The following DDX10 variants were observed in gnomAD, a reference collection of about 807,000 sequenced individuals.
DDX10 encodes the protein probable ATP-dependent RNA helicase DDX10.
DDX10 carries 74 observed loss-of-function variants against 104.3 expected under a neutral mutation model. The observed-to-expected ratio is 0.71, with a 90% CI of 0.59 to 0.86. The LOEUF is 0.86. Among genes scored for constraint, DDX10 ranks in the 40% least tolerant of loss-of-function variants. The pLI, the probability that DDX10 is intolerant of heterozygous loss-of-function variation, is 0.00. For missense variants in DDX10, 952 were observed against 1,040.0 expected (o/e 0.92, Z 1.16); for synonymous variants, 351 against 353.4 (o/e 0.99, Z 0.08).
intron 13 of DDX10, among the ~76,000 whole-genome samples, chr11:108,764,625 C>T (rs969610308): frequency 1.3e-5 from 2 of 152,040 alleles, no homozygotes; most frequent in Non-Finnish European, 1.5e-5. Context: ...GCTGAGATCG[C>T]GCCACTGCAC....
intron 17 of DDX10, among the ~76,000 whole-genome samples, chr11:108,939,898 C>A (rs1213971743): frequency 6.6e-6 from 1 of 152,188 alleles, no homozygotes; most frequent in Non-Finnish European, 1.5e-5. Flanking sequence ...ACCTGACTTT[C>A]AGTAGAGGTA....
chr11:108,871,611 C>A (rs995164111), intron 16 of DDX10, among the ~76,000 whole-genome samples: 1 of 152,194 alleles, frequency 6.6e-6, no homozygotes, highest in African/African-American at 2.4e-5. Flanking sequence ...CATCCTCCTC[C>A]TTACCAGTCC....
In DDX10 at chr11:108,857,237, C is replaced by T. The variant is rs76346227; in HGVS notation, c.2304+5028C>T. On this transcript the variant is annotated intron_variant, in intron 16 of 17. Coordinates refer to ENST00000322536, the MANE Select transcript of DDX10 (RefSeq NM_004398.4). The stretch of plus-strand genomic sequence containing the variant: ...ATCGCATCCATGATACATGATCTAA[C>T]GACTAGTCATGGAAAATTACTAATA... Among the ~76,000 whole-genome samples the T allele has an allele frequency of 9.7e-3, 1,481 of 152,098 alleles. 18 individuals carry two copies. Among genetic ancestry groups the T allele is most frequent in the African/African-American group, 0.033 (1,384 of 41,478 alleles).
At chr11:108,930,291 A>G (rs967817718) in intron 17 of DDX10, among the ~76,000 whole-genome samples, 5 of 152,216 alleles carry the variant, frequency 3.3e-5, no homozygotes, top group Non-Finnish European at 5.9e-5. Context: ...ACTTAGCAAT[A>G]TATTTTTAAG....
chr11:108,673,903 C>T (rs2094220430), intron 2 of DDX10, among the ~76,000 whole-genome samples: 1 of 152,170 alleles, frequency 6.6e-6, no homozygotes, highest in Non-Finnish European at 1.5e-5. Context: ...AGTTGGAAGT[C>T]TGGGATCAAG....
At chr11:108,731,089 T>C (rs2134484789) in intron 13 of DDX10, among the ~76,000 whole-genome samples, 1 of 151,438 alleles carries the variant, frequency 6.6e-6, no homozygotes, top group South Asian at 2.1e-4. Context: ...TCTCGCTGTG[T>C]CACCCAGGCT....
At chr11:108,868,527 A>G (rs1230625345) in intron 16 of DDX10, among the ~76,000 whole-genome samples, 1 of 152,114 alleles carries the variant, frequency 6.6e-6, no homozygotes, top group African/African-American at 2.4e-5. Context: ...ATTTCATTCT[A>G]TTTTCTTTTT....
At chr11:108,725,543 A>G (rs2094304380) in intron 13 of DDX10, among the ~76,000 whole-genome samples, 1 of 151,942 alleles carries the variant, frequency 6.6e-6, no homozygotes, top group South Asian at 2.1e-4. Context: ...TGCAGTTTTA[A>G]TTTGCATTTC....
At chr11:108,857,214 C>T (rs898692489) in intron 16 of DDX10, among the ~76,000 whole-genome samples, 5 of 151,988 alleles carry the variant, frequency 3.3e-5, no homozygotes, top group Admixed American at 2.0e-4. Flanking sequence ...AAAAACAAAT[C>T]GCATCCATGA....
At chr11:108,911,554 T>C (rs913748413) in intron 16 of DDX10, among the ~76,000 whole-genome samples, 4 of 75,956 alleles carry the variant, frequency 5.3e-5, no homozygotes. Context: ...TTGCCTCCTC[T>C]TCTTTTTTTT....
intron 13 of DDX10, among the ~76,000 whole-genome samples, chr11:108,831,640 T>C: frequency 6.6e-6 from 1 of 152,264 alleles, no homozygotes; most frequent in South Asian, 2.1e-4. Context: ...TTGGACTGTC[T>C]TTAATTCTAA....
intron 13 of DDX10, among the ~76,000 whole-genome samples, chr11:108,741,973 T>C (rs527721968): frequency 6.6e-6 from 1 of 152,056 alleles, no homozygotes; most frequent in African/African-American, 2.4e-5. Flanking sequence ...CAAAAAAACA[T>C]GCAGGCTGGT....
At chr11:108,925,447 A>G (rs1863896408) in intron 17 of DDX10, among the ~76,000 whole-genome samples, 1 of 152,222 alleles carries the variant, frequency 6.6e-6, no homozygotes, top group East Asian at 1.9e-4. Flanking sequence ...TGAGGCTAAG[A>G]TGAACCACCC....
At chr11:108,673,284 C>A (rs577704795) in intron 1 of DDX10, among the ~76,000 whole-genome samples, 183 bp from the exon 2 acceptor site, 38 of 152,118 alleles carry the variant, frequency 2.5e-4, no homozygotes, top group Non-Finnish European at 5.0e-4. Flanking sequence ...AATGTATATT[C>A]GATTCAGGGA....
intron 13 of DDX10, among the ~76,000 whole-genome samples, chr11:108,806,208 C>G (rs1038738699): frequency 1.2e-4 from 19 of 152,196 alleles, no homozygotes. Context: ...GGTGATCCCT[C>G]CGCCTTGGCC....
intron 16 of DDX10, among the ~76,000 whole-genome samples, chr11:108,901,778 T>C (rs953962227): frequency 1.3e-5 from 2 of 152,162 alleles, no homozygotes; most frequent in Admixed American, 1.3e-4. Flanking sequence ...AATATTTCAT[T>C]AGGAATAACC....
intron 13 of DDX10, among the ~76,000 whole-genome samples, chr11:108,732,650 G>C (rs1013019470): frequency 6.6e-6 from 1 of 152,116 alleles, no homozygotes; most frequent in Non-Finnish European, 1.5e-5. Flanking sequence ...GAAGTGCCAC[G>C]AGTGATGAAG....
chr11:108,805,356 A>T (rs898802972), intron 13 of DDX10, among the ~76,000 whole-genome samples: 1 of 152,252 alleles, frequency 6.6e-6, no homozygotes, highest in African/African-American at 2.4e-5. Context: ...ATTCATTAAG[A>T]TTTTCATAAA....
chr11:108,848,882 G>A (rs1236487854), intron 15 of DDX10, among the ~76,000 whole-genome samples: 2 of 152,128 alleles, frequency 1.3e-5, no homozygotes, highest in African/African-American at 4.8e-5. Flanking sequence ...AAACTGCAAA[G>A]GGCAATGGTC....
Sources: allele counts gnomAD v4.1 joint callset (sites outside exome capture counted in the v4.1 genomes callset), GRCh38; gene constraint gnomAD v4.1.1; transcripts MANE v1.5; gene names NCBI Gene and HGNC (gene_info 2026-07-23, HGNC 2026-07-21).